DENND5A: variants seen among roughly 807,000 people sequenced by gnomAD.
The protein encoded by DENND5A is DENN domain-containing protein 5A.
DENND5A carries 64 observed loss-of-function variants against 140.3 expected under a neutral mutation model. The ratio of observed to expected loss-of-function variants is 0.46; its 90% CI spans 0.37 to 0.56. DENND5A has a LOEUF of 0.56. DENND5A is among the 20% of genes least tolerant of loss of function. The pLI is 0.00. For synonymous variants in DENND5A, 605 were observed against 607.7 expected (o/e 1.00, Z 0.07); for missense variants, 1,292 against 1,593.8 (o/e 0.81, Z 3.22).
At chr11:9,200,218 T>C (rs1849477647) in intron 4 of DENND5A, among the ~76,000 whole-genome samples, 1 of 152,248 alleles carries the variant, frequency 6.6e-6, no homozygotes, top group African/African-American at 2.4e-5. Flanking sequence ...GCCTACTGTA[T>C]CTTCTAACAC....
chr11:9,179,143 G>A, intron 6 of DENND5A, 70 bp from the exon 7 acceptor site: 1 of 1,382,186 alleles, frequency 7.2e-7, no homozygotes, highest in East Asian at 2.3e-5. Context: ...TGCAATTCCT[G>A]ATTTTTTTAT....
At chr11:9,243,750 G>C (rs922198127) in intron 1 of DENND5A, among the ~76,000 whole-genome samples, 7 of 152,100 alleles carry the variant, frequency 4.6e-5, no homozygotes, top group African/African-American at 1.7e-4. Flanking sequence ...GCCGGGCGTG[G>C]TGGTGGGTGC....
intron 1 of DENND5A, among the ~76,000 whole-genome samples, chr11:9,234,451 A>G (rs1246116788): frequency 6.6e-6 from 1 of 152,184 alleles, no homozygotes; most frequent in East Asian, 1.9e-4. Context: ...AAACACGACG[A>G]CAGCAAAAAA....
At chr11:9,152,959 T>C (rs1356118284) in intron 12 of DENND5A, among the ~76,000 whole-genome samples, 4 of 147,756 alleles carry the variant, frequency 2.7e-5, no homozygotes, top group Non-Finnish European at 3.0e-5. Flanking sequence ...GATCGCACCA[T>C]TGCACTCCAG....
At chr11:9,220,553 T>A (rs1232994157) in intron 1 of DENND5A, among the ~76,000 whole-genome samples, 3 of 150,080 alleles carry the variant, frequency 2.0e-5, no homozygotes, top group African/African-American at 4.9e-5. Flanking sequence ...GTCTCAAAAA[T>A]AATAATAATA....
In DENND5A at chr11:9,139,522, T is replaced by C. The variant is rs1847165059; in HGVS notation, c.*149A>G. On this transcript the variant is annotated 3_prime_UTR_variant, in exon 23 of 23. Transcript: ENST00000328194. ...AGCAAATAAACTCTAAAATAGATTATTTATTCCAAAAATCCTCTAGTTTTC... is the reference window on the plus strand; with the variant it reads ...AGCAAATAAACTCTAAAATAGATTACTTATTCCAAAAATCCTCTAGTTTTC... 7.2e-6 allele frequency: 5 copies of C among 699,268 alleles called. No individual in the cohort carries two copies. In the South Asian group the frequency reaches 8.2e-5, roughly 11 times the overall value. 43.3% of individuals were successfully genotyped at this position (699,268 alleles called of 1,614,324 possible).
intron 5 of DENND5A, among the ~76,000 whole-genome samples, chr11:9,182,910 G>C (rs1848780934): frequency 6.6e-6 from 1 of 152,102 alleles, no homozygotes; most frequent in African/African-American, 2.4e-5. Flanking sequence ...AGAGGATTCT[G>C]AATGTTACCA....
Position 9,153,566 on chromosome 11 carries a change from G to T in DENND5A, c.2437-1124C>A, listed in dbSNP as rs552429912. On this transcript the variant is annotated intron_variant, in intron 12 of 22. Coordinates refer to ENST00000328194, the MANE Select transcript of DENND5A (RefSeq NM_015213.4). Reference sequence around the variant, plus strand: ...TTGGTGAACTAGGCAAAGCAGTTTGGTGAACTTCTCTGAATGTCAGTTTCC... The same window carrying T: ...TTGGTGAACTAGGCAAAGCAGTTTGTTGAACTTCTCTGAATGTCAGTTTCC... 3.9e-5 allele frequency among the ~76,000 whole-genome samples: 6 copies of T among 152,166 alleles called. No individual in the cohort carries two copies. In the East Asian group the frequency reaches 1.2e-3, roughly 29 times the overall value.
At chr11:9,143,207 A>AACAGGGTAACCT in intron 20 of DENND5A, 196 bp downstream of exon 20, 1 of 638,976 alleles carries the variant, frequency 1.6e-6, no homozygotes. Context: ...ATGGAGGGAA[A>AACAGGGTAACCT]ACAGGGTAAC....
intron 5 of DENND5A, among the ~76,000 whole-genome samples, chr11:9,191,118 C>T (rs1849108558): frequency 6.6e-6 from 1 of 152,106 alleles, no homozygotes; most frequent in African/African-American, 2.4e-5. Flanking sequence ...TACAGGGGAG[C>T]CAGAAGCTCA....
chr11:9,258,454 A>G lies in DENND5A; in HGVS notation c.109+6507T>C, dbSNP rs372969977. Among the ~76,000 whole-genome samples the G allele has an allele frequency of 2.5e-4, 38 of 152,138 alleles. 1 individual carries two copies. The East Asian group carries it at 6.2e-3, about 25-fold the overall frequency. ...ATCCATGTCCCTGCAAAGGACATGA[A>G]CTCATCCTTTTTTATGGCTGCATAG... On this transcript the variant is annotated intron_variant, in intron 1 of 22. Transcript: ENST00000328194.
intron 5 of DENND5A, among the ~76,000 whole-genome samples, chr11:9,187,191 G>A (rs1848944086): frequency 6.6e-6 from 1 of 152,014 alleles, no homozygotes; most frequent in South Asian, 2.1e-4. Flanking sequence ...ATAGCCTCAT[G>A]CTGTTTCCTC....
intron 1 of DENND5A, among the ~76,000 whole-genome samples, chr11:9,229,295 G>A (rs902809022): frequency 1.3e-5 from 2 of 152,036 alleles, no homozygotes; most frequent in Non-Finnish European, 2.9e-5. Flanking sequence ...AGTTACAAAT[G>A]TGGGGAAAAA....
chr11:9,160,056 T>C (rs1353073285), intron 12 of DENND5A, among the ~76,000 whole-genome samples: 5 of 152,220 alleles, frequency 3.3e-5, no homozygotes, highest in Admixed American at 3.3e-4. Flanking sequence ...CCTGACATAG[T>C]AGGCCCTTGA....
At chr11:9,219,848 T>A (rs1340127780) in intron 1 of DENND5A, among the ~76,000 whole-genome samples, 1 of 152,202 alleles carries the variant, frequency 6.6e-6, no homozygotes, top group Non-Finnish European at 1.5e-5. Context: ...CAGACTTCTA[T>A]AACAAAAAGA....
At chr11:9,238,833 CTTTTTTTTT>C (rs35267899) in intron 1 of DENND5A, among the ~76,000 whole-genome samples, 2 of 142,074 alleles carry the variant, frequency 1.4e-5, no homozygotes, top group Non-Finnish European at 3.1e-5. Flanking sequence ...TTTCTTTTTT[CTTTTTTTTT>C]TTTTTGACAC....
intron 1 of DENND5A, among the ~76,000 whole-genome samples, chr11:9,248,107 C>T (rs1590335089): frequency 1.3e-5 from 2 of 152,138 alleles, no homozygotes; most frequent in Admixed American, 6.5e-5. Context: ...TCAGGCCTCT[C>T]GAGTACCTGG....
intron 15 of DENND5A, among the ~76,000 whole-genome samples, chr11:9,147,590 CT>C (rs1847475611): frequency 1.3e-5 from 2 of 152,250 alleles, no homozygotes; most frequent in South Asian, 4.1e-4. Context: ...CTGAGTAGAT[CT>C]GAGAGCCACA....
At chr11:9,152,561 C>T (rs772193787) in intron 12 of DENND5A, 119 bp from the exon 13 acceptor site, 7 of 737,586 alleles carry the variant, frequency 9.5e-6, no homozygotes, top group East Asian at 2.5e-5. Flanking sequence ...TTTCAATGTA[C>T]ATCCAGGACA....
Sources: allele counts gnomAD v4.1 joint callset (sites outside exome capture counted in the v4.1 genomes callset), GRCh38; gene constraint gnomAD v4.1.1; transcripts MANE v1.5; gene names NCBI Gene and HGNC (gene_info 2026-07-23, HGNC 2026-07-21).